Variants in KLF7 observed in about 807,000 individuals in gnomAD.
KLF7 encodes the protein KLF transcription factor 7.
A neutral mutation model predicts 27.3 loss-of-function variants in KLF7; 2 were observed. The observed-to-expected ratio is 0.07, with a 90% CI of 0.03 to 0.23. The LOEUF is 0.23. Ranked by LOEUF, KLF7 falls within the 10% of genes least tolerant of loss-of-function variation. KLF7 has a pLI of 1.00. For synonymous variants in KLF7, 165 were observed against 162.4 expected (o/e 1.02, Z -0.12); for missense variants, 221 against 394.1 (o/e 0.56, Z 3.72).
At chr2:207,166,024 C>T (rs192373835), upstream of KLF7, 26 of 682,776 alleles carry the variant, frequency 3.8e-5, no homozygotes, top group Middle Eastern at 7.5e-4. Flanking sequence ...TCTTCCCCCC[C>T]CTTCCCTTCC....
intron 1 of KLF7, among the ~76,000 whole-genome samples, chr2:207,143,924 C>T (rs914032594): frequency 1.3e-5 from 2 of 152,140 alleles, no homozygotes; most frequent in Non-Finnish European, 2.9e-5. Context: ...GACTGAGAGG[C>T]TCACAAAACC....
chr2:207,101,637 C>T (rs1392678074), intron 2 of KLF7, among the ~76,000 whole-genome samples: 2 of 152,120 alleles, frequency 1.3e-5, no homozygotes, highest in Non-Finnish European at 2.9e-5. Context: ...GACAAACTAT[C>T]CCCTCAAGAG....
At chr2:207,094,839 A>G (rs1335775314) in intron 2 of KLF7, among the ~76,000 whole-genome samples, 1 of 152,118 alleles carries the variant, frequency 6.6e-6, no homozygotes, top group African/African-American at 2.4e-5. Flanking sequence ...TGGAAAATAA[A>G]AATTCTTTTA....
chr2:207,153,057 C>T (rs1206416447), intron 1 of KLF7, among the ~76,000 whole-genome samples: 1 of 152,052 alleles, frequency 6.6e-6, no homozygotes, highest in Non-Finnish European at 1.5e-5. Context: ...CTAAATCTAC[C>T]TACACTGTTC....
chr2:207,166,241 C>T (rs2078704578), upstream of KLF7: 1 of 947,204 alleles, frequency 1.1e-6, no homozygotes, highest in Non-Finnish European at 1.3e-6. Flanking sequence ...AATGGGGAGC[C>T]CGGAGCAGAG....
chr2:207,127,330 A>C (rs2077508351), intron 1 of KLF7, among the ~76,000 whole-genome samples: 1 of 152,182 alleles, frequency 6.6e-6, no homozygotes, highest in Admixed American at 6.5e-5. Context: ...TGTCTTAGGA[A>C]ATACACTTCT....
At chr2:207,167,190 A>C, upstream of KLF7, 2 of 1,392,862 alleles carry the variant, frequency 1.4e-6, no homozygotes, top group Non-Finnish European at 1.9e-6. Flanking sequence ...GAGAGGAGGA[A>C]CTCGATTTCT....
At chr2:207,162,616 C>T (rs1238801703) in intron 1 of KLF7, among the ~76,000 whole-genome samples, 1 of 152,198 alleles carries the variant, frequency 6.6e-6, no homozygotes, top group African/African-American at 2.4e-5. Context: ...CGAGGATCTC[C>T]GTGACGAGAG....
chr2:207,125,213 T>A (rs1473946828), intron 1 of KLF7, among the ~76,000 whole-genome samples: 6 of 152,100 alleles, frequency 3.9e-5, no homozygotes, highest in Non-Finnish European at 1.5e-5. Flanking sequence ...TTTCACCCGA[T>A]AAAGAAACAG....
intron 1 of KLF7, among the ~76,000 whole-genome samples, chr2:207,128,876 G>A (rs1204958304): frequency 6.6e-6 from 1 of 152,136 alleles, no homozygotes; most frequent in Non-Finnish European, 1.5e-5. Context: ...AAGGAGATAT[G>A]GCAACTAAAT....
intron 1 of KLF7, among the ~76,000 whole-genome samples, chr2:207,158,728 C>A (rs1222733121): frequency 6.6e-6 from 1 of 152,186 alleles, no homozygotes; most frequent in Non-Finnish European, 1.5e-5. Context: ...CACAAGTAAG[C>A]CTTCTCCAAA....
intron 2 of KLF7, among the ~76,000 whole-genome samples, chr2:207,106,667 C>T (rs190016873): frequency 1.0e-3 from 159 of 152,274 alleles, no homozygotes; most frequent in African/African-American, 3.6e-3. Context: ...CTTTGGAACT[C>T]GTGCATGCTG....
At chr2:207,103,928 G>A (rs2076823400) in intron 2 of KLF7, among the ~76,000 whole-genome samples, 1 of 152,224 alleles carries the variant, frequency 6.6e-6, no homozygotes, top group Non-Finnish European at 1.5e-5. Context: ...TTAACACCCA[G>A]TACCTGAATA....
chr2:207,163,702 C>T (rs2078614859), intron 1 of KLF7, among the ~76,000 whole-genome samples: 1 of 152,202 alleles, frequency 6.6e-6, no homozygotes, highest in Non-Finnish European at 1.5e-5. Flanking sequence ...AACAGTTAGT[C>T]ACAAACAAGG....
At chr2:207,168,443 G>A (rs558009383), upstream of KLF7, among the ~76,000 whole-genome samples, 192 of 152,262 alleles carry the variant, frequency 1.3e-3, 2 homozygotes, top group Middle Eastern at 0.02. Context: ...GTTGGTCAAG[G>A]TCTCACAACC....
upstream of KLF7, among the ~76,000 whole-genome samples, chr2:207,171,414 A>T (rs1002427061): frequency 6.6e-6 from 1 of 152,346 alleles, no homozygotes; most frequent in South Asian, 2.1e-4. Flanking sequence ...TTGATAAGGT[A>T]ATCACAGGGT....
At chr2:207,100,680 C>T (rs189091460) in intron 2 of KLF7, among the ~76,000 whole-genome samples, 6 of 152,304 alleles carry the variant, frequency 3.9e-5, no homozygotes, top group Admixed American at 1.3e-4. Context: ...TCACCCCATC[C>T]GCAAGGATTT....
intron 1 of KLF7, among the ~76,000 whole-genome samples, chr2:207,155,077 G>C (rs548538064): frequency 1.8e-4 from 28 of 152,278 alleles, no homozygotes; most frequent in South Asian, 1.2e-3. Flanking sequence ...CTGAGGCTTG[G>C]ATCCCAGCTC....
At chr2:207,171,310 G>A (rs910348246), upstream of KLF7, among the ~76,000 whole-genome samples, 1 of 152,094 alleles carries the variant, frequency 6.6e-6, no homozygotes, top group African/African-American at 2.4e-5. Context: ...AGCAAAGAAA[G>A]TTCTTTTCTG....
Sources: allele counts gnomAD v4.1 joint callset (sites outside exome capture counted in the v4.1 genomes callset), GRCh38; gene constraint gnomAD v4.1.1; transcripts MANE v1.5; gene names NCBI Gene and HGNC (gene_info 2026-07-23, HGNC 2026-07-21).